Variants in ZP3 observed in about 807,000 individuals in gnomAD.
ZP3 encodes the protein zona pellucida sperm-binding protein 3.
A neutral mutation model predicts 35.6 loss-of-function variants in ZP3; 21 were observed. The observed-to-expected ratio is 0.59, with a 90% confidence interval of 0.42 to 0.85. The LOEUF (loss-of-function observed/expected upper bound fraction) is 0.85, where lower values mean the gene tolerates loss of function less well. Among genes scored for constraint, ZP3 ranks in the 40% least tolerant of loss-of-function variants. ZP3 has a pLI of 0.00. For synonymous variants in ZP3, 207 were observed against 214.5 expected (o/e 0.96, Z 0.31); for missense variants, 437 against 536.5 (o/e 0.81, Z 1.83).
At chr7:76,421,734 A>G (rs1027306708), upstream of ZP3, among the ~76,000 whole-genome samples, 11 of 151,820 alleles carry the variant, frequency 7.2e-5, no homozygotes, top group Admixed American at 4.6e-4. Context: ...AGCTGGGACT[A>G]CAGGCATGAG....
At chr7:76,429,720 T>A (rs1805774699) in intron 2 of ZP3, 87 bp downstream of exon 2, 6 of 1,116,774 alleles carry the variant, frequency 5.4e-6, no homozygotes, top group Non-Finnish European at 6.8e-6. Flanking sequence ...GGCTACAGCT[T>A]GCAGCATGGC....
upstream of ZP3, among the ~76,000 whole-genome samples, chr7:76,423,023 G>GAGAA (rs1805547578): frequency 1.0e-5 from 1 of 98,834 alleles, no homozygotes; most frequent in African/African-American, 4.2e-5. Flanking sequence ...GAGAGAGAGA[G>GAGAA]AGAGAAAGAA....
chr7:76,415,083 G>A (rs925620882), intron 1 of ZP3, among the ~76,000 whole-genome samples: 1 of 151,174 alleles, frequency 6.6e-6, no homozygotes, highest in African/African-American at 2.4e-5. Flanking sequence ...GCATTAAAAG[G>A]TCTGGAACGA....
At chr7:76,435,408 G>C (rs1158738922) in intron 5 of ZP3, among the ~76,000 whole-genome samples, 3 of 152,250 alleles carry the variant, frequency 2.0e-5, no homozygotes, top group African/African-American at 7.2e-5. Flanking sequence ...GCCTGCCTCG[G>C]TCTCCCAAAG....
upstream of ZP3, among the ~76,000 whole-genome samples, chr7:76,421,411 T>A (rs188671215): frequency 2.6e-5 from 4 of 151,952 alleles, no homozygotes; most frequent in Admixed American, 2.6e-4. Flanking sequence ...TGTGCCAACA[T>A]GCCTGACTAA....
Position 76,425,188 on chromosome 7 carries a change from C to G in ZP3, c.224C>G (p.Pro75Arg), listed in dbSNP as rs1375735619. 1.2e-6 allele frequency: 2 copies of G among 1,613,874 alleles called. No homozygotes were observed. Among genetic ancestry groups the G allele is most frequent in the Non-Finnish European group, 1.7e-6 (2 of 1,180,040 alleles). Residue 75 changes from proline to arginine, a missense_variant, in exon 1 of 8, where the codon CCA becomes CGA. Physicochemically the swap from Pro to Arg is moderately radical, Grantham distance 103. Around this residue, in one of 6 missense-constraint regions of ZP3, gnomAD observed 352 missense variants for 308.4 expected, o/e 1.14. Transcript: ENST00000394857. ...AGGGCTGCTGACCTCACCTTGGGCC[C>G]AGAGGCCTGTGAGCCTCTGGTCTCC... is the stretch of plus-strand genomic sequence containing the variant. Reference protein sequence around the residue: ...LIRAADLTLGPEACEPLVSMD... With the variant: ...LIRAADLTLGREACEPLVSMD...
At chr7:76,415,635 A>G (rs752509960) in intron 1 of ZP3, among the ~76,000 whole-genome samples, 194 of 150,654 alleles carry the variant, frequency 1.3e-3, no homozygotes, top group Middle Eastern at 6.8e-3. Context: ...CTGGGACTAC[A>G]GGCATCCGCC....
intron 1 of ZP3, chr7:76,400,226 C>T (rs1210836540): frequency 1.4e-6 from 2 of 1,417,634 alleles, no homozygotes; most frequent in Non-Finnish European, 1.9e-6. Context: ...TTTATCTAGC[C>T]TACAGCCCTG....
chr7:76,423,705 TGTG>T (rs1805576731), upstream of ZP3, among the ~76,000 whole-genome samples: 1 of 151,678 alleles, frequency 6.6e-6, no homozygotes, highest in African/African-American at 2.4e-5. Flanking sequence ...GCGGATCCCT[TGTG>T]GTGAGGAGCT....
At chr7:76,433,207 G>T (rs946353243) in intron 3 of ZP3, among the ~76,000 whole-genome samples, 177 bp downstream of exon 3, 2 of 129,640 alleles carry the variant, frequency 1.5e-5, no homozygotes, top group Non-Finnish European at 3.2e-5. Context: ...AGGCTGGAGT[G>T]CAGTGGCACG....
At chr7:76,398,614 A>G (rs571071869) in intron 1 of ZP3, 1 of 1,307,968 alleles carries the variant, frequency 7.6e-7, no homozygotes, top group Admixed American at 1.9e-5. Context: ...CATTTTCTCT[A>G]ACTTTACATC....
At position 76,432,877 on chromosome 7, in the gene ZP3, A is replaced by T. The variant is rs571379513; in HGVS notation, c.432-50A>T. 18 of 1,507,822 alleles carry T rather than the reference A, an allele frequency of 1.2e-5. No homozygotes were observed. The South Asian group carries it at 1.9e-4, about 16-fold the overall frequency. 93.4% of individuals were successfully genotyped at this position (1,507,822 alleles called of 1,614,324 possible). On this transcript the variant is annotated intron_variant, in intron 2 of 7. Coordinates refer to ENST00000394857, the MANE Select transcript of ZP3 (RefSeq NM_001110354.2). ...AGATACTCCCCATCAGTGGGGGCCCAGGTGGGTGTGACCTGAGGCAGGTGT... is the reference window on the plus strand; with the variant it reads ...AGATACTCCCCATCAGTGGGGGCCCTGGTGGGTGTGACCTGAGGCAGGTGT...
At chr7:76,426,330 G>C (rs1805651030) in intron 1 of ZP3, among the ~76,000 whole-genome samples, 1 of 152,160 alleles carries the variant, frequency 6.6e-6, no homozygotes, top group Admixed American at 6.5e-5. Context: ...CAGCTCCCCA[G>C]CTAAACCCTG....
intron 1 of ZP3, among the ~76,000 whole-genome samples, chr7:76,418,098 C>T (rs1014980724): frequency 1.3e-5 from 2 of 151,864 alleles, no homozygotes; most frequent in Admixed American, 6.6e-5. Flanking sequence ...GTCACCACAC[C>T]TGGCTAATTT....
At chr7:76,420,696 G>A (rs765835306), upstream of ZP3, among the ~76,000 whole-genome samples, 2 of 152,076 alleles carry the variant, frequency 1.3e-5, no homozygotes, top group Non-Finnish European at 2.9e-5. Context: ...CTGACACAGA[G>A]AGTTTTTTAT....
intron 7 of ZP3, among the ~76,000 whole-genome samples, 194 bp from the exon 8 acceptor site, chr7:76,441,648 A>G (rs1317008388): frequency 6.6e-6 from 1 of 152,096 alleles, no homozygotes; most frequent in East Asian, 1.9e-4. Context: ...TCAGCCTCCC[A>G]AAGTGCTGGG....
At chr7:76,410,755 G>A (rs1805220115) in intron 1 of ZP3, among the ~76,000 whole-genome samples, 1 of 152,006 alleles carries the variant, frequency 6.6e-6, no homozygotes, top group Admixed American at 6.6e-5. Flanking sequence ...AGCACTTTGG[G>A]AGGCTGAGGT....
upstream of ZP3, among the ~76,000 whole-genome samples, chr7:76,422,351 A>G (rs970813878): frequency 1.3e-5 from 2 of 151,888 alleles, no homozygotes; most frequent in Admixed American, 1.3e-4. Context: ...ACCTACCCCA[A>G]CCATGGGTCC....
intron 1 of ZP3, among the ~76,000 whole-genome samples, chr7:76,413,209 A>G (rs1017007584): frequency 2.7e-5 from 4 of 150,530 alleles, no homozygotes; most frequent in South Asian, 2.1e-4. Context: ...GGCCTCCCCA[A>G]CTCGGCCTCC....
Sources: allele counts gnomAD v4.1 joint callset (sites outside exome capture counted in the v4.1 genomes callset), GRCh38; gene constraint gnomAD v4.1.1; regional missense constraint gnomAD v4.1.1; transcripts MANE v1.5; gene names NCBI Gene and HGNC (gene_info 2026-07-23, HGNC 2026-07-21).